The following NEGR1 variants were observed in gnomAD, a reference collection of about 807,000 sequenced individuals.
NEGR1 encodes the protein IgLON family member 4.
NEGR1 carries 10 observed loss-of-function variants against 40.9 expected under a neutral mutation model. The observed-to-expected ratio is 0.24, with a 90% CI of 0.15 to 0.42. The LOEUF (loss-of-function observed/expected upper bound fraction) is 0.42. Among genes scored for constraint, NEGR1 ranks in the 10% least tolerant of loss-of-function variants. NEGR1 has a pLI of 1.00. For missense variants in NEGR1, 352 were observed against 438.9 expected, an observed-to-expected ratio of 0.80 and a Z score of 1.77; for synonymous variants, 185 against 166.8, an observed-to-expected ratio of 1.11 and a Z score of -0.84.
At chr1:71,869,794 C>T (rs1660223512) in intron 2 of NEGR1, among the ~76,000 whole-genome samples, 1 of 151,862 alleles carries the variant, frequency 6.6e-6, no homozygotes, top group Non-Finnish European at 1.5e-5. Context: ...AAAATACTAA[C>T]ATTTTTATGA....
chr1:71,465,312 C>A (rs923030482), intron 6 of NEGR1, among the ~76,000 whole-genome samples: 1 of 152,022 alleles, frequency 6.6e-6, no homozygotes, highest in Non-Finnish European at 1.5e-5. Flanking sequence ...CTTGATGGAG[C>A]TTGCAGTTTT....
At chr1:71,721,687 A>C (rs1437655432) in intron 3 of NEGR1, among the ~76,000 whole-genome samples, 1 of 152,128 alleles carries the variant, frequency 6.6e-6, no homozygotes, top group African/African-American at 2.4e-5. Context: ...AGCAGTCAAC[A>C]CTCAACAATT....
At chr1:72,099,196 A>G (rs2630391) in intron 1 of NEGR1, among the ~76,000 whole-genome samples, 33,222 of 151,778 alleles carry the variant, frequency 0.22, 3,799 homozygotes, top group East Asian at 0.35. Flanking sequence ...TTGAATAATA[A>G]ATTTTCATAG....
chr1:71,604,388 T>A (rs1216558804), intron 5 of NEGR1, among the ~76,000 whole-genome samples: 4 of 152,030 alleles, frequency 2.6e-5, no homozygotes, highest in South Asian at 2.1e-4. Flanking sequence ...TACAAAAAAA[T>A]TTTAACTCAT....
At chr1:72,194,509 G>C (rs1022259823) in intron 1 of NEGR1, among the ~76,000 whole-genome samples, 1 of 151,858 alleles carries the variant, frequency 6.6e-6, no homozygotes, top group African/African-American at 2.4e-5. Context: ...AAAACATGAA[G>C]ATCAATTATT....
chr1:71,701,856 A>G (rs1653707863), intron 3 of NEGR1, among the ~76,000 whole-genome samples: 1 of 152,242 alleles, frequency 6.6e-6, no homozygotes, highest in South Asian at 2.1e-4. Flanking sequence ...AAGTTCAGAA[A>G]AATAAATTTA....
intron 6 of NEGR1, among the ~76,000 whole-genome samples, chr1:71,557,281 A>C (rs1648283235): frequency 6.6e-6 from 1 of 151,608 alleles, no homozygotes; most frequent in African/African-American, 2.4e-5. Context: ...TTGAATCCTG[A>C]GTAAGTTGGC....
At chr1:71,644,385 T>C (rs995982581) in intron 4 of NEGR1, among the ~76,000 whole-genome samples, 5 of 152,010 alleles carry the variant, frequency 3.3e-5, no homozygotes, top group African/African-American at 1.2e-4. Context: ...AATCTCTCTT[T>C]ACATTCTCTA....
intron 3 of NEGR1, among the ~76,000 whole-genome samples, chr1:71,725,733 T>C (rs1221083575): frequency 6.6e-6 from 1 of 152,138 alleles, no homozygotes; most frequent in Non-Finnish European, 1.5e-5. Context: ...CTGATGGATC[T>C]AAACTTGCCA....
rs374261549 is a variant in NEGR1, at chr1:71,549,674, A to G, written c.940+43143T>C. Among the ~76,000 whole-genome samples the G allele has an allele frequency of 2.4e-4, 36 of 151,846 alleles. 2 individuals carry two copies. Among genetic ancestry groups the G allele is most frequent in the East Asian group, 1.8e-3 (9 of 5,104 alleles). ...TCTAAACCTGGGTTTGTTAAAACCC[A>G]AAGCCCCATGCTCTTAAGCAATGCA... On this transcript the variant is annotated intron_variant, in intron 6 of 6. Coordinates refer to ENST00000357731, the MANE Select transcript of NEGR1 (RefSeq NM_173808.3).
chr1:72,222,976 G>C (rs1654062083), intron 1 of NEGR1, among the ~76,000 whole-genome samples: 1 of 152,094 alleles, frequency 6.6e-6, no homozygotes, highest in Non-Finnish European at 1.5e-5. Context: ...TATCTAAACT[G>C]TCTACCTGGG....
At chr1:71,918,003 G>A (rs2101879867) in intron 2 of NEGR1, among the ~76,000 whole-genome samples, 1 of 150,298 alleles carries the variant, frequency 6.7e-6, no homozygotes, top group Admixed American at 6.6e-5. Flanking sequence ...GGATCACAAG[G>A]TCAGGAGATC....
chr1:71,525,999 A>C (rs1193260940), intron 6 of NEGR1, among the ~76,000 whole-genome samples: 1 of 151,610 alleles, frequency 6.6e-6, no homozygotes, highest in Non-Finnish European at 1.5e-5. Flanking sequence ...TTTGAGACAG[A>C]GCTGAAGATA....
At chr1:71,559,139 C>T (rs941972338) in intron 6 of NEGR1, among the ~76,000 whole-genome samples, 3 of 149,860 alleles carry the variant, frequency 2.0e-5, no homozygotes, top group Admixed American at 1.3e-4. Context: ...CTTTATGGTT[C>T]ATTCTAGCAT....
intron 4 of NEGR1, among the ~76,000 whole-genome samples, chr1:71,648,165 T>A (rs189005268): frequency 6.6e-6 from 1 of 152,130 alleles, no homozygotes; most frequent in Non-Finnish European, 1.5e-5. Flanking sequence ...TTATAAATCA[T>A]CTTGGCCTAG....
At chr1:71,584,995 A>G (rs1040881831) in intron 6 of NEGR1, among the ~76,000 whole-genome samples, 2 of 152,180 alleles carry the variant, frequency 1.3e-5, no homozygotes, top group Non-Finnish European at 2.9e-5. Flanking sequence ...AACTGTGAAC[A>G]TAAAGGAAAT....
At chr1:71,859,594 G>A (rs11579239) in intron 2 of NEGR1, among the ~76,000 whole-genome samples, 28,761 of 151,868 alleles carry the variant, frequency 0.19, 3,629 homozygotes, top group East Asian at 0.5. Context: ...ACATGACTGC[G>A]TTCCGATAAA....
At chr1:71,689,807 T>A (rs1653190148) in intron 4 of NEGR1, among the ~76,000 whole-genome samples, 1 of 150,930 alleles carries the variant, frequency 6.6e-6, no homozygotes, top group African/African-American at 2.4e-5. Flanking sequence ...TTAAATAAAT[T>A]TAATATAATA....
At chr1:71,618,731 C>A (rs1053313009) in intron 4 of NEGR1, among the ~76,000 whole-genome samples, 1 of 152,144 alleles carries the variant, frequency 6.6e-6, no homozygotes, top group Non-Finnish European at 1.5e-5. Flanking sequence ...TTCTACCCCA[C>A]CCCACAGTCC....
Sources: allele counts gnomAD v4.1 joint callset (sites outside exome capture counted in the v4.1 genomes callset), GRCh38; gene constraint gnomAD v4.1.1; transcripts MANE v1.5; gene names NCBI Gene and HGNC (gene_info 2026-07-23, HGNC 2026-07-21).